The following WARS2 variants were observed in gnomAD, a reference collection of about 807,000 sequenced individuals.
WARS2 encodes the protein tryptophanyl tRNA synthetase 2, mitochondrial, also known as tryptophan--tRNA ligase, mitochondrial.
Under a neutral mutation model 36.5 loss-of-function variants are expected in WARS2, and 28 were observed. The ratio of observed to expected loss-of-function variants is 0.77; its 90% CI spans 0.57 to 1.05. The LOEUF is 1.05. WARS2 is among the 50% of genes least tolerant of loss of function. The pLI, the probability that WARS2 is intolerant of heterozygous loss-of-function variation, is 0.00. For synonymous variants in WARS2, 174 were observed against 178.4 expected (o/e 0.98, Z 0.20); for missense variants, 435 against 456.8 (o/e 0.95, Z 0.44).
At chr1:119,129,330 G>A (rs192749159) in intron 1 of WARS2, among the ~76,000 whole-genome samples, 6 of 152,292 alleles carry the variant, frequency 3.9e-5, no homozygotes, top group Admixed American at 3.3e-4. Context: ...AATGTCTGTT[G>A]TTTATGATAC....
intron 4 of WARS2, among the ~76,000 whole-genome samples, chr1:119,036,893 C>T (rs372424919): frequency 6.6e-6 from 1 of 152,144 alleles, no homozygotes; most frequent in African/African-American, 2.4e-5. Flanking sequence ...CTAGCCTTCC[C>T]TCCCTGTGCT....
intron 1 of WARS2, among the ~76,000 whole-genome samples, chr1:119,129,070 G>T (rs1031605757): frequency 6.6e-6 from 1 of 152,300 alleles, no homozygotes; most frequent in African/African-American, 2.4e-5. Flanking sequence ...AGTATAACTG[G>T]TTCTGGATTT....
chr1:119,140,360 C>T (rs1656866647), intron 1 of WARS2, 195 bp downstream of exon 1: 1 of 439,370 alleles, frequency 2.3e-6, no homozygotes, highest in Non-Finnish European at 3.9e-6. Flanking sequence ...CACCAAGAAA[C>T]CTTTACGTCA....
rs181608349 is a variant in WARS2 at position 119,075,576 on chromosome 1, T to C, written c.348+774A>G. ...ATGTACAATCAAGGAAGGTTGCATA[T>C]ATACATGCATGTTAACATGTACCAT... On this transcript the variant is annotated intron_variant, in intron 2 of 5. Coordinates refer to ENST00000235521, the MANE Select transcript of WARS2 (RefSeq NM_015836.4). Among the ~76,000 whole-genome samples, 54 of 152,350 alleles carry C rather than the reference T, an allele frequency of 3.5e-4. No homozygotes were observed. The East Asian group carries it at 5.4e-3, about 15-fold the overall frequency.
At chr1:119,135,481 G>C (rs1424417024) in intron 1 of WARS2, among the ~76,000 whole-genome samples, 1 of 152,194 alleles carries the variant, frequency 6.6e-6, no homozygotes, top group Non-Finnish European at 1.5e-5. Flanking sequence ...GACTAGGTTT[G>C]AACTGTGTCA....
intron 1 of WARS2, among the ~76,000 whole-genome samples, chr1:119,079,926 A>T (rs1652061657): frequency 6.6e-6 from 1 of 152,200 alleles, no homozygotes; most frequent in South Asian, 2.1e-4. Context: ...TCCCCAAATC[A>T]TAATCTAGAA....
chr1:119,080,920 CAATT>C (rs1453170426), intron 1 of WARS2, among the ~76,000 whole-genome samples: 1 of 152,206 alleles, frequency 6.6e-6, no homozygotes, highest in Non-Finnish European at 1.5e-5. Context: ...CATCAACCTA[CAATT>C]CCATCACAGT....
At chr1:119,065,830 T>C (rs1327206735) in intron 2 of WARS2, among the ~76,000 whole-genome samples, 2 of 152,022 alleles carry the variant, frequency 1.3e-5, no homozygotes, top group African/African-American at 4.8e-5. Context: ...CTAGAATAAA[T>C]TAGAATTTTA....
intron 1 of WARS2, among the ~76,000 whole-genome samples, chr1:119,120,199 A>G (rs587653586): frequency 6.6e-6 from 1 of 152,250 alleles, no homozygotes; most frequent in South Asian, 2.1e-4. Flanking sequence ...AAATAAGCTC[A>G]ATTAGAAATG....
At chr1:119,102,859 G>T (rs587773849) in intron 1 of WARS2, among the ~76,000 whole-genome samples, 1 of 152,156 alleles carries the variant, frequency 6.6e-6, no homozygotes, top group African/African-American at 2.4e-5. Flanking sequence ...TGATCTCTTT[G>T]AATCTATCAA....
At chr1:119,049,773 G>A (rs534867608) in intron 2 of WARS2, among the ~76,000 whole-genome samples, 1 of 152,196 alleles carries the variant, frequency 6.6e-6, no homozygotes, top group Admixed American at 6.5e-5. Flanking sequence ...CTAATCCATT[G>A]GCAAATCTTG....
intron 1 of WARS2, among the ~76,000 whole-genome samples, chr1:119,097,531 T>A (rs1325725411): frequency 6.6e-6 from 1 of 152,222 alleles, no homozygotes; most frequent in East Asian, 1.9e-4. Flanking sequence ...TTTCAATATA[T>A]CTTTTAAGAC....
At chr1:119,055,046 T>C (rs1274420329) in intron 2 of WARS2, among the ~76,000 whole-genome samples, 1 of 152,222 alleles carries the variant, frequency 6.6e-6, no homozygotes, top group African/African-American at 2.4e-5. Flanking sequence ...ATTTAATGTG[T>C]TTTACAAATT....
intron 1 of WARS2, among the ~76,000 whole-genome samples, chr1:119,083,126 G>A (rs1284510401): frequency 2.0e-5 from 3 of 152,172 alleles, no homozygotes; most frequent in Admixed American, 2.0e-4. Flanking sequence ...CTACTTGGGA[G>A]GCTGAGGCAG....
At chr1:119,133,310 C>A (rs1187010669) in intron 1 of WARS2, among the ~76,000 whole-genome samples, 11 of 152,220 alleles carry the variant, frequency 7.2e-5, no homozygotes, top group Admixed American at 7.2e-4. Flanking sequence ...ATAATTTCTA[C>A]TCTACATGTC....
rs187388719 is a variant in WARS2, at chr1:119,039,695, C to G, written c.515+2569G>C. Among the ~76,000 whole-genome samples the G allele has an allele frequency of 3.3e-5, 5 of 152,270 alleles. No homozygotes were observed. In the East Asian group the frequency reaches 9.7e-4, roughly 29 times the overall value. ...TTACCAAGTTCTGCCAAAATAGTTA[C>G]ATAAATCTTTTATAAACTTATCTGA... On this transcript the variant is annotated intron_variant, in intron 4 of 5. Coordinates refer to ENST00000235521, the MANE Select transcript of WARS2 (RefSeq NM_015836.4).
intron 1 of WARS2, among the ~76,000 whole-genome samples, chr1:119,089,309 T>G (rs1652883384): frequency 6.6e-6 from 1 of 152,162 alleles, no homozygotes; most frequent in Non-Finnish European, 1.5e-5. Context: ...GACTACAGGG[T>G]GTTCCAACCA....
intron 4 of WARS2, among the ~76,000 whole-genome samples, chr1:119,041,286 A>G (rs1225044590): frequency 2.0e-5 from 3 of 152,176 alleles, no homozygotes; most frequent in African/African-American, 7.2e-5. Context: ...GCACATGCCA[A>G]TTGGGAGGCT....
chr1:119,052,527 G>T (rs1177337881), intron 2 of WARS2, among the ~76,000 whole-genome samples: 1 of 152,090 alleles, frequency 6.6e-6, no homozygotes, highest in East Asian at 1.9e-4. Context: ...CAGTACTCTT[G>T]TTTGCCAATA....
Sources: gnomAD v4.1 joint callset for allele counts (sites outside exome capture counted in the v4.1 genomes callset) on GRCh38, gnomAD v4.1.1 for gene constraint, MANE v1.5 for transcripts, NCBI Gene and HGNC (gene_info 2026-07-23, HGNC 2026-07-21) for gene names.